The following SP1 variants were observed in gnomAD, a reference collection of about 807,000 sequenced individuals.
SP1 encodes the protein Sp1 transcription factor.
In SP1, 6 loss-of-function variants were observed where a neutral mutation model predicts 66.3. That is an observed-to-expected ratio of 0.09 (90% CI 0.05 to 0.18). The LOEUF (loss-of-function observed/expected upper bound fraction) is 0.18. Among genes scored for constraint, SP1 ranks in the 10% least tolerant of loss-of-function variants. SP1 has a pLI of 1.00. For missense variants in SP1, 848 were observed against 964.5 expected (o/e 0.88, Z 1.60); for synonymous variants, 417 against 360.8 (o/e 1.16, Z -1.77).
At chr12:53,402,051 A>T (rs954765377) in intron 3 of SP1, among the ~76,000 whole-genome samples, 1 of 152,174 alleles carries the variant, frequency 6.6e-6, no homozygotes, top group African/African-American at 2.4e-5. Context: ...TTTGCTCATT[A>T]TCAGAAACTT....
At chr12:53,406,097 A>T (rs1938732687) in intron 3 of SP1, among the ~76,000 whole-genome samples, 1 of 117,808 alleles carries the variant, frequency 8.5e-6, no homozygotes, top group East Asian at 2.5e-4. Flanking sequence ...TTTGAGACAG[A>T]GTCTTGCTCT....
intron 3 of SP1, 42 bp downstream of exon 3, chr12:53,383,664 A>G (rs1938162091): frequency 6.7e-7 from 1 of 1,494,070 alleles, no homozygotes; most frequent in Non-Finnish European, 9.1e-7. Flanking sequence ...AACCAACTCT[A>G]GCATCGTAGC....
In SP1 at chr12:53,415,129, C is replaced by G. The variant is rs1240469337; in HGVS notation, c.*3889C>G. On this transcript the variant is annotated 3_prime_UTR_variant, in exon 6 of 6. Transcript: ENST00000327443. ...AAAGGGAGGAAGATATGGCACTTCT[C>G]CAACCCCGGAAAACATTGCTTTTGA... 1 of 152,476 alleles carries G rather than the reference C, an allele frequency of 6.6e-6. No homozygotes were observed. Among genetic ancestry groups the G allele is most frequent in the Non-Finnish European group, 1.5e-5 (1 of 68,038 alleles). The allele number at this position is 152,476 out of a possible 1,614,324, so 9.4% of individuals were successfully genotyped here.
chr12:53,393,276 C>T (rs755942816), intron 3 of SP1, among the ~76,000 whole-genome samples: 1 of 152,062 alleles, frequency 6.6e-6, no homozygotes, highest in Non-Finnish European at 1.5e-5. Context: ...TAGTGAAACC[C>T]CCATCTCTTT....
In SP1 at chr12:53,392,697, G is replaced by C. The variant is rs190446031; in HGVS notation, c.1675+9075G>C. ...TTTAGTAGAGATGGGGTTTCACCACGCTGGCCAGGCTGGTCTCGAACTCCT... is the reference window on the plus strand; with the variant it reads ...TTTAGTAGAGATGGGGTTTCACCACCCTGGCCAGGCTGGTCTCGAACTCCT... On this transcript the variant is annotated intron_variant, in intron 3 of 5. Transcript: ENST00000327443. Among the ~76,000 whole-genome samples the C allele has an allele frequency of 5.2e-3, 791 of 151,572 alleles. 16 individuals carry two copies. Among genetic ancestry groups the C allele is most frequent in the African/African-American group, 0.017 (717 of 41,348 alleles).
At chr12:53,410,250 A>G (rs1198645905) in intron 5 of SP1, among the ~76,000 whole-genome samples, 2 of 151,762 alleles carry the variant, frequency 1.3e-5, no homozygotes, top group Non-Finnish European at 2.9e-5. Context: ...GGTTACAGTG[A>G]GCTGAGATTG....
At chr12:53,395,632 A>T (rs1395042525) in intron 3 of SP1, among the ~76,000 whole-genome samples, 2 of 152,128 alleles carry the variant, frequency 1.3e-5, no homozygotes, top group East Asian at 3.9e-4. Context: ...AACATTTATT[A>T]TGTGCCAATG....
At chr12:53,400,784 CAG>C (rs1367715907) in intron 3 of SP1, among the ~76,000 whole-genome samples, 9 of 117,980 alleles carry the variant, frequency 7.6e-5, no homozygotes, top group East Asian at 2.5e-4. Flanking sequence ...TTTTTTGAGA[CAG>C]AGTCTCGTTC....
In SP1 at chr12:53,382,926, T is replaced by A. The variant is rs1938141913; in HGVS notation, c.979T>A (p.Tyr327Asn). ...SSSFFTNANS[Y>N]STTTTTSNMG... ...CTCCTTTTTCACCAATGCCAATAGC[T>A]ACTCAACTACTACTACCACCAGCAA... is the stretch of plus-strand genomic sequence containing the variant. Residue 327 changes from tyrosine (Y) to asparagine (N), a missense_variant, in exon 3 of 6, where the codon TAC (tyrosine) becomes AAC (asparagine). Coordinates refer to ENST00000327443, the MANE Select transcript of SP1 (RefSeq NM_138473.3). 6.2e-7 allele frequency: 1 copy of A among 1,613,960 alleles called. No homozygotes were observed. Among genetic ancestry groups the A allele is most frequent in the African/African-American group, 1.3e-5 (1 of 74,882 alleles).
intron 3 of SP1, among the ~76,000 whole-genome samples, chr12:53,389,835 TAA>T (rs1409425836): frequency 6.6e-6 from 1 of 152,158 alleles, no homozygotes; most frequent in Non-Finnish European, 1.5e-5. Context: ...TTCTGTCTAA[TAA>T]AGAGTGCAGG....
At chr12:53,389,603 G>A (rs960560766) in intron 3 of SP1, among the ~76,000 whole-genome samples, 1 of 151,930 alleles carries the variant, frequency 6.6e-6, no homozygotes, top group African/African-American at 2.4e-5. Flanking sequence ...GATTACAGGC[G>A]TGATGTTTCT....
intron 5 of SP1, among the ~76,000 whole-genome samples, chr12:53,410,479 G>A (rs146131111): frequency 2.0e-5 from 3 of 151,724 alleles, no homozygotes; most frequent in East Asian, 3.9e-4. Flanking sequence ...TCACGCCCCC[G>A]CCAAAAGGAA....
rs773251232 is a variant in SP1, at chr12:53,383,577, G to A, written c.1630G>A (p.Val544Met). 6.2e-7 allele frequency: 1 copy of A among 1,613,242 alleles called. No individual in the cohort carries two copies. Among genetic ancestry groups the A allele is most frequent in the South Asian group, 1.1e-5 (1 of 91,080 alleles). ...LSALGTSGIQ[V>M]HPIQGLPLAI... ...TGCATTGGGTACTTCAGGAATCCAGGTGCACCCAATTCAAGGCCTGCCGTT... is the reference window on the plus strand; with the variant it reads ...TGCATTGGGTACTTCAGGAATCCAGATGCACCCAATTCAAGGCCTGCCGTT... The change falls in exon 3 of 6, where the codon GTG (valine) becomes ATG (methionine). Residue 544 changes from valine (V) to methionine (M), a missense_variant. Val to Met is a conservative substitution (Grantham distance 21, BLOSUM62 1). Transcript: ENST00000327443.
Position 53,415,214 on chromosome 12 carries a change from G to C in SP1, c.*3974G>C, listed in dbSNP as rs1034193339. On this transcript the variant is annotated 3_prime_UTR_variant, in exon 6 of 6. Transcript: ENST00000327443. Reference sequence around the variant, plus strand: ...CTGTTTGGGAGACTGTGCTCTCTGTGGTGCCTCTCTTGGCTCTACTCCACA... The same window carrying C: ...CTGTTTGGGAGACTGTGCTCTCTGTCGTGCCTCTCTTGGCTCTACTCCACA... The C allele has an allele frequency of 6.6e-6, 1 of 152,432 alleles. No homozygotes were observed. The highest frequency in any genetic ancestry group is 1.5e-5 in the Non-Finnish European group (1 of 68,006). The allele number at this position is 152,432 out of a possible 1,614,324, so 9.4% of individuals were successfully genotyped here. A position where few individuals can be genotyped will look rare whatever the true frequency, so the allele number is the denominator to read the frequency against.
At position 53,402,216 on chromosome 12, in the gene SP1, G is replaced by A. The variant is rs571085172; in HGVS notation, c.1676-4369G>A. Among the ~76,000 whole-genome samples the A allele has an allele frequency of 5.7e-4, 82 of 144,502 alleles. 2 individuals carry two copies. The South Asian group carries it at 0.018, about 31-fold the overall frequency. The allele number at this position is 144,502 out of a possible 152,430, so 94.8% of individuals were successfully genotyped here. Reference sequence around the variant, plus strand: ...TAAATTTATTTTAGTGCCATAGGCTGCACCTTTTTTTTTTTTTTTTTTTTA... The same window carrying A: ...TAAATTTATTTTAGTGCCATAGGCTACACCTTTTTTTTTTTTTTTTTTTTA... On this transcript the variant is annotated intron_variant, in intron 3 of 5. Coordinates refer to ENST00000327443, the MANE Select transcript of SP1 (RefSeq NM_138473.3).
chr12:53,402,747 A>G (rs994552152), intron 3 of SP1, among the ~76,000 whole-genome samples: 1 of 146,042 alleles, frequency 6.8e-6, no homozygotes, highest in Non-Finnish European at 1.5e-5. Flanking sequence ...CGGGCGGATC[A>G]TGAGGTCAGG....
At chr12:53,387,981 GTCTCA>G (rs1565809742) in intron 3 of SP1, among the ~76,000 whole-genome samples, 6 of 150,368 alleles carry the variant, frequency 4.0e-5, no homozygotes, top group African/African-American at 1.5e-4. Context: ...GCGAGACTCC[GTCTCA>G]AAAAAAAAAA....
chr12:53,409,254 A>G, intron 4 of SP1, 108 bp from the exon 5 acceptor site: 5 of 893,662 alleles, frequency 5.6e-6, no homozygotes, highest in Non-Finnish European at 5.1e-6. Context: ...TTTTCAAAAA[A>G]TAAAAGTTTG....
intron 3 of SP1, among the ~76,000 whole-genome samples, chr12:53,402,630 G>A (rs565052206): frequency 6.6e-6 from 1 of 151,732 alleles, no homozygotes; most frequent in Admixed American, 6.6e-5. Flanking sequence ...CCTAAGGTCA[G>A]GAGTTTGAGA....
Sources: allele counts gnomAD v4.1 joint callset (sites outside exome capture counted in the v4.1 genomes callset), GRCh38; gene constraint gnomAD v4.1.1; transcripts MANE v1.5; gene names NCBI Gene and HGNC (gene_info 2026-07-23, HGNC 2026-07-21).